The following ESR1 variants were observed in gnomAD, a reference collection of about 807,000 sequenced individuals.
ESR1 encodes estrogen receptor.
In ESR1, 12 loss-of-function variants were observed where a neutral mutation model predicts 52.7. The ratio of observed to expected loss-of-function variants is 0.23; its 90% CI spans 0.15 to 0.37. The LOEUF (loss-of-function observed/expected upper bound fraction) is 0.37. ESR1 is among the 10% of genes least tolerant of loss of function. ESR1 has a pLI of 1.00. For missense variants in ESR1, 584 were observed against 779.7 expected (o/e 0.75, Z 2.99); for synonymous variants, 305 against 316.8 (o/e 0.96, Z 0.39).
Position 151,741,769 on chromosome 6 carries a change from T to A in ESR1, c.-71+39764T>A, listed in dbSNP as rs559078494. Among the ~76,000 whole-genome samples, 17 of 152,334 alleles carry A rather than the reference T, an allele frequency of 1.1e-4. No homozygotes were observed. The South Asian group carries it at 3.5e-3, about 32-fold the overall frequency. On this transcript the variant is annotated intron_variant, in intron 2 of 2. Coordinates refer to the ESR1 transcript ENST00000404742. ...ACAGTGAGGCAAACTAACGTATCCA[T>A]CATCTCACGTTGTTATCCAACACTA...
chr6:151,921,376 A>G (rs2031636022), intron 3 of ESR1, among the ~76,000 whole-genome samples: 1 of 152,164 alleles, frequency 6.6e-6, no homozygotes, highest in African/African-American at 2.4e-5. Context: ...ACTATTGTGA[A>G]TAGTGCTGCA....
chr6:152,010,880 T>G (rs1298771667), intron 4 of ESR1, among the ~76,000 whole-genome samples: 1 of 149,904 alleles, frequency 6.7e-6, no homozygotes, highest in African/African-American at 2.5e-5. Flanking sequence ...CTCCTCCTCC[T>G]TCTCCTTCTT....
At chr6:151,664,584 CAACGATTG>C (rs758592064) in intron 1 of ESR1, among the ~76,000 whole-genome samples, 10 of 152,260 alleles carry the variant, frequency 6.6e-5, no homozygotes, top group Non-Finnish European at 1.0e-4. Flanking sequence ...TGATAAAGGT[CAACGATTG>C]AACACCCAAA....
chr6:151,882,324 C>T (rs1047649786), intron 3 of ESR1, among the ~76,000 whole-genome samples: 24 of 152,136 alleles, frequency 1.6e-4, no homozygotes, highest in Non-Finnish European at 3.1e-4. Flanking sequence ...GTTGAATTTA[C>T]GCATTCTGTG....
intron 4 of ESR1, among the ~76,000 whole-genome samples, chr6:151,959,399 G>C (rs1266604810): frequency 2.0e-5 from 3 of 152,152 alleles, no homozygotes; most frequent in Non-Finnish European, 4.4e-5. Flanking sequence ...TTTCTCATGA[G>C]CTTTTATTTT....
At chr6:152,044,238 C>T (rs79111399) in intron 5 of ESR1, among the ~76,000 whole-genome samples, 1 of 152,166 alleles carries the variant, frequency 6.6e-6, no homozygotes, top group Non-Finnish European at 1.5e-5. Flanking sequence ...ACAGCAAGGA[C>T]TATCAGTGTT....
intron 5 of ESR1, among the ~76,000 whole-genome samples, chr6:152,047,925 A>G (rs1163126654): frequency 2.1e-5 from 3 of 143,680 alleles, no homozygotes; most frequent in Admixed American, 2.1e-4. Context: ...CAGGATGTCA[A>G]CCTTCTTTCA....
At chr6:152,043,470 G>A (rs1450499491) in intron 5 of ESR1, among the ~76,000 whole-genome samples, 1 of 152,160 alleles carries the variant, frequency 6.6e-6, no homozygotes, top group Non-Finnish European at 1.5e-5. Context: ...GCACCTCCTT[G>A]TGGGTCACAT....
rs567376316 is a variant in ESR1 at position 152,122,458 on chromosome 6, G to A, written c.851-2808G>A. The stretch of plus-strand genomic sequence containing the variant: ...AGTTCAGAGTGGAGGAGGGCCATTC[G>A]TGTATCTGAGCATGGGGTGGAATGA... On this transcript the variant is annotated intron_variant, in intron 6 of 6. Coordinates refer to the ESR1 transcript ENST00000427531. The A allele has an allele frequency of 5.4e-5, 87 of 1,614,162 alleles. 1 individual carries two copies. The Admixed American group carries it at 1.2e-3, about 22-fold the overall frequency.
intron 2 of ESR1, among the ~76,000 whole-genome samples, chr6:151,845,219 TG>T (rs1163264689): frequency 2.6e-5 from 4 of 152,234 alleles, no homozygotes; most frequent in African/African-American, 9.6e-5. Flanking sequence ...TTCATTGGTA[TG>T]GCATTATCTC....
At chr6:151,855,268 A>T (rs564794952) in intron 2 of ESR1, among the ~76,000 whole-genome samples, 1 of 152,332 alleles carries the variant, frequency 6.6e-6, no homozygotes, top group African/African-American at 2.4e-5. Context: ...CAGTTAAGCC[A>T]TGATGGTATA....
chr6:151,671,867 C>A (rs1447547062), intron 1 of ESR1, among the ~76,000 whole-genome samples: 1 of 152,084 alleles, frequency 6.6e-6, no homozygotes, highest in Non-Finnish European at 1.5e-5. Flanking sequence ...TGGTGGGTGC[C>A]TGTAATCCCA....
chr6:151,885,781 G>A (rs1286716376), intron 3 of ESR1, among the ~76,000 whole-genome samples: 3 of 152,192 alleles, frequency 2.0e-5, no homozygotes, highest in Non-Finnish European at 2.9e-5. Context: ...CTTGAACCCA[G>A]TAGGCACAGG....
At chr6:151,800,923 G>C (rs1051727453), upstream of ESR1, among the ~76,000 whole-genome samples, 3 of 152,166 alleles carry the variant, frequency 2.0e-5, no homozygotes, top group Non-Finnish European at 4.4e-5. Context: ...TCACAAAATC[G>C]GAAGAAAGAG....
In ESR1 at chr6:151,967,629, G is replaced by A. The variant is rs985610116; in HGVS notation, c.1096+23121G>A. The stretch of plus-strand genomic sequence containing the variant: ...TTCCAAGTCTTTGCTATTGTGAATA[G>A]TGCCACAATAAACATACGTGTTCAT... On this transcript the variant is annotated intron_variant, in intron 4 of 7. Coordinates refer to ENST00000206249, the MANE Select transcript of ESR1 (RefSeq NM_000125.4). Among the ~76,000 whole-genome samples, 3 of 152,154 alleles carry A rather than the reference G, an allele frequency of 2.0e-5. No homozygotes were observed. In the East Asian group the frequency reaches 5.8e-4, roughly 29 times the overall value.
rs2046828213 is a variant in ESR1, at chr6:152,053,253, G to T, written c.1236-7738G>T. 2.0e-5 allele frequency among the ~76,000 whole-genome samples: 3 copies of T among 151,146 alleles called. No individual in the cohort carries two copies. The highest frequency in any genetic ancestry group is 7.3e-5 in the African/African-American group (3 of 41,042). On this transcript the variant is annotated intron_variant, in intron 5 of 7. Transcript: ENST00000206249. The surrounding 1 kb of genome is among the most constrained non-coding windows in gnomAD (Gnocchi z 4.1). The stretch of plus-strand genomic sequence containing the variant: ...TCTCACTCTACCATCTTTTCCTTTG[G>T]ACCTTCTGACATTCAACATCTTGGT...
chr6:152,068,404 C>T (rs1475556769), intron 6 of ESR1, among the ~76,000 whole-genome samples: 1 of 152,142 alleles, frequency 6.6e-6, no homozygotes, highest in Non-Finnish European at 1.5e-5. Context: ...AGTCTTAAGA[C>T]TGACCACACA....
rs542237958 is a variant in ESR1, at chr6:151,815,107, G to A, written c.452+6743G>A. On this transcript the variant is annotated intron_variant, in intron 1 of 7. Coordinates refer to ENST00000206249, the MANE Select transcript of ESR1 (RefSeq NM_000125.4). ...TTTGCGGGAGTGGGGTAACAGTTTC[G>A]AAAGCAACATTGTCAGAAACATAGT... Among the ~76,000 whole-genome samples the A allele has an allele frequency of 2.0e-5, 3 of 152,260 alleles. No homozygotes were observed. The East Asian group carries it at 5.8e-4, about 29-fold the overall frequency.
chr6:152,113,169 A>G (rs34667897), intron 6 of ESR1: 7,622 of 152,434 alleles, frequency 0.05, 221 homozygotes, highest in East Asian at 0.074. Flanking sequence ...CCAAAGAGTA[A>G]GTAGTTTAGG....
Sources: gnomAD v4.1 joint callset for allele counts (sites outside exome capture counted in the v4.1 genomes callset) on GRCh38, gnomAD v4.1.1 for gene constraint, Gnocchi (gnomAD v3.1) non-coding constraint, MANE v1.5 for transcripts, NCBI Gene and HGNC (gene_info 2026-07-23, HGNC 2026-07-21) for gene names.